HIVEP2: variants seen among roughly 807,000 people sequenced by gnomAD.
The protein encoded by HIVEP2 is transcription factor HIVEP2.
Under a neutral mutation model 180.7 loss-of-function variants are expected in HIVEP2, and 14 were observed. The observed-to-expected ratio is 0.08, with a 90% CI of 0.05 to 0.12. HIVEP2 has a LOEUF of 0.12. Ranked by LOEUF, HIVEP2 falls within the 10% of genes least tolerant of loss-of-function variation. The pLI is 1.00. For missense variants in HIVEP2, 2,579 were observed against 3,008.5 expected (o/e 0.86, Z 3.34); for synonymous variants, 1,184 against 1,136.4 (o/e 1.04, Z -0.84).
At chr6:142,837,489 G>C (rs1214721283) in intron 1 of HIVEP2, among the ~76,000 whole-genome samples, 4 of 152,032 alleles carry the variant, frequency 2.6e-5, no homozygotes, top group Admixed American at 6.6e-5. Context: ...AATCTCTGTT[G>C]AGAAATAGAA....
chr6:142,932,429 G>A (rs1042690531), intron 1 of HIVEP2, among the ~76,000 whole-genome samples: 10 of 152,002 alleles, frequency 6.6e-5, no homozygotes, highest in Non-Finnish European at 1.3e-4. Flanking sequence ...GCTGTCTTCT[G>A]GAAAGTAAAT....
chr6:142,772,223 C>T lies in HIVEP2; in HGVS notation c.2516G>A (p.Ser839Asn), dbSNP rs202210526. The T allele has an allele frequency of 1.9e-4, 308 of 1,614,210 alleles. No individual in the cohort carries two copies. In the African/African-American group the frequency reaches 3.7e-3, roughly 19 times the overall value. ...KAPSPSETCD[S>N]EISEAPVSPE... ...ACTCACTGGGGCTTCTGAAATCTCA[C>T]TGTCACAAGTCTCTGAAGGGGAAGG... The change falls in exon 5 of 10, where the codon AGT becomes AAT. Residue 839 changes from serine to asparagine, a missense_variant. This residue lies in a region of HIVEP2 where 524 missense variants were observed against 563.6 expected (regional missense o/e 0.93). Transcript: ENST00000367603. The surrounding 1 kb of genome is among the most constrained non-coding windows in gnomAD (Gnocchi z 4.9).
intron 1 of HIVEP2, among the ~76,000 whole-genome samples, chr6:142,924,737 T>C (rs559320856): frequency 1.3e-5 from 2 of 152,330 alleles, no homozygotes; most frequent in African/African-American, 4.8e-5. Flanking sequence ...ACAGACAAGG[T>C]ACTGGGTTTG....
intron 1 of HIVEP2, among the ~76,000 whole-genome samples, chr6:142,847,438 G>A (rs535359967): frequency 4.0e-4 from 60 of 149,758 alleles, no homozygotes; most frequent in African/African-American, 1.2e-3. Flanking sequence ...AAAAAAAGAC[G>A]AAAAAGAGTT....
intron 1 of HIVEP2, among the ~76,000 whole-genome samples, chr6:142,853,985 G>A (rs1473380917): frequency 6.6e-6 from 1 of 152,132 alleles, no homozygotes; most frequent in African/African-American, 2.4e-5. Flanking sequence ...CCTGGTTGGG[G>A]TTGCCATTCA....
Position 142,772,123 on chromosome 6 carries a change from C to T in HIVEP2, c.2616G>A (p.Gln872=). The T allele has an allele frequency of 6.2e-7, 1 of 1,614,198 alleles. No individual in the cohort carries two copies. Among genetic ancestry groups the T allele is most frequent in the Non-Finnish European group, 8.5e-7 (1 of 1,180,044 alleles). Residue 872 remains glutamine, a synonymous_variant, in exon 5 of 10, where the codon CAG becomes CAA. Coordinates refer to ENST00000367603, the MANE Select transcript of HIVEP2 (RefSeq NM_006734.4). This position sits in a 1 kb window ranked among gnomAD's most constrained non-coding sequence, Gnocchi z 4.9. ...CTAGCCTGGGCTGTGTGTGATAGGA[C>T]TGCTGCTGCACCTGCTGAGATGGAG... ...KPSPSQQVQQ[Q]SYHTQPRLVR... is the part of the protein sequence containing the mutation.
intron 2 of HIVEP2, among the ~76,000 whole-genome samples, chr6:142,835,221 T>C (rs1775193177): frequency 6.6e-6 from 1 of 152,120 alleles, no homozygotes; most frequent in Non-Finnish European, 1.5e-5. Flanking sequence ...TGCAAAACAA[T>C]TGTTACAAAG....
At chr6:142,911,751 A>T (rs9496478) in intron 1 of HIVEP2, among the ~76,000 whole-genome samples, 16,048 of 152,166 alleles carry the variant, frequency 0.11, 1,022 homozygotes, top group South Asian at 0.13. Flanking sequence ...TTCAAGAAAC[A>T]ATCAGGGGAA....
At chr6:142,762,850 A>G (rs1242948805) in intron 7 of HIVEP2, among the ~76,000 whole-genome samples, 1 of 152,202 alleles carries the variant, frequency 6.6e-6, no homozygotes, top group African/African-American at 2.4e-5. Context: ...GAATAATTCC[A>G]AACAGAAATA....
chr6:142,811,734 T>C (rs1215758416), intron 2 of HIVEP2, among the ~76,000 whole-genome samples: 1 of 152,218 alleles, frequency 6.6e-6, no homozygotes, highest in African/African-American at 2.4e-5. Flanking sequence ...GTTAAGTGTG[T>C]ACACTAAGTT....
At chr6:142,885,341 C>G (rs1004200974) in intron 1 of HIVEP2, among the ~76,000 whole-genome samples, 1 of 151,736 alleles carries the variant, frequency 6.6e-6, no homozygotes. Context: ...CCTCCCCTTT[C>G]TTCTCTCGTC....
At chr6:142,814,622 A>T (rs1246545469) in intron 2 of HIVEP2, among the ~76,000 whole-genome samples, 1 of 152,212 alleles carries the variant, frequency 6.6e-6, no homozygotes, top group Non-Finnish European at 1.5e-5. Flanking sequence ...CCAAGGTTCT[A>T]GCTTGGATGT....
chr6:142,884,899 C>T (rs1289808377), intron 1 of HIVEP2, among the ~76,000 whole-genome samples: 1 of 152,102 alleles, frequency 6.6e-6, no homozygotes, highest in Non-Finnish European at 1.5e-5. Flanking sequence ...TACACAAATG[C>T]ACTGCTCTGC....
At chr6:142,821,432 T>A (rs1435280191) in intron 2 of HIVEP2, among the ~76,000 whole-genome samples, 1 of 152,218 alleles carries the variant, frequency 6.6e-6, no homozygotes, top group Non-Finnish European at 1.5e-5. Context: ...GGAGCCAGAA[T>A]ACTTGCTTTC....
intron 5 of HIVEP2, 102 bp downstream of exon 5, chr6:142,769,450 T>A: frequency 9.3e-7 from 1 of 1,075,710 alleles, no homozygotes; most frequent in South Asian, 1.6e-5. Flanking sequence ...CTGACCTTCA[T>A]TTTACTTGTA....
rs538728299 is a variant in HIVEP2, at chr6:142,770,596, G to A, written c.4143C>T (p.Asn1381=). 48 of 1,614,222 alleles carry A rather than the reference G, an allele frequency of 3.0e-5. No individual in the cohort carries two copies. Among genetic ancestry groups the A allele is most frequent in the South Asian group, 2.2e-4 (20 of 91,088 alleles). The change falls in exon 5 of 10, where the codon AAC becomes AAT. Residue 1381 remains asparagine, a synonymous_variant. Transcript: ENST00000367603. This position sits in a 1 kb window ranked among gnomAD's most constrained non-coding sequence, Gnocchi z 4.7. ...ENMTQRTLVT[N]AAMQGIGFNI... is the part of the protein sequence containing the mutation. ...TGAATCCTATCCCTTGCATGGCTGC[G>A]TTGGTGACCAGTGTCCTTTGGGTCA...
intron 1 of HIVEP2, among the ~76,000 whole-genome samples, chr6:142,838,147 C>T (rs13195550): frequency 0.24 from 36,891 of 151,890 alleles, 5,351 homozygotes; most frequent in South Asian, 0.36. Context: ...CAGAAAAGAA[C>T]AAAACAAAAG....
intron 2 of HIVEP2, among the ~76,000 whole-genome samples, chr6:142,817,636 A>G (rs1776877801): frequency 6.6e-6 from 1 of 152,236 alleles, no homozygotes; most frequent in South Asian, 2.1e-4. Flanking sequence ...AAAGAAATTG[A>G]CAAGGCAACG....
chr6:142,826,964 C>G (rs764627512), intron 2 of HIVEP2, among the ~76,000 whole-genome samples: 1 of 152,132 alleles, frequency 6.6e-6, no homozygotes, highest in Non-Finnish European at 1.5e-5. Context: ...ATTGAGTGAT[C>G]AAGTGAATGG....
Sources: gnomAD v4.1 joint callset for allele counts (sites outside exome capture counted in the v4.1 genomes callset) on GRCh38, gnomAD v4.1.1 for gene constraint, gnomAD v4.1.1 regional missense constraint, Gnocchi (gnomAD v3.1) non-coding constraint, MANE v1.5 for transcripts, NCBI Gene and HGNC (gene_info 2026-07-23, HGNC 2026-07-21) for gene names.